The following OTUD7A variants were observed in gnomAD, a reference collection of about 807,000 sequenced individuals.
The protein encoded by OTUD7A is OTU domain-containing protein 7A.
A neutral mutation model predicts 65.7 loss-of-function variants in OTUD7A; 12 were observed. That is an observed-to-expected ratio of 0.18 (90% CI 0.12 to 0.30). The LOEUF is 0.30. OTUD7A is among the 10% of genes least tolerant of loss of function. The pLI is 1.00. For missense variants in OTUD7A, 1,148 were observed against 1,304.8 expected (o/e 0.88, Z 1.85); for synonymous variants, 641 against 586.3 (o/e 1.09, Z -1.35).
At chr15:31,667,491 A>G (rs1892352548) in intron 1 of OTUD7A, among the ~76,000 whole-genome samples, 1 of 151,594 alleles carries the variant, frequency 6.6e-6, no homozygotes, top group African/African-American at 2.4e-5. Context: ...GCCTTTTTCC[A>G]CCCCTTTACT....
At chr15:31,533,054 G>GA (rs200050149) in intron 5 of OTUD7A, among the ~76,000 whole-genome samples, 3 of 144,790 alleles carry the variant, frequency 2.1e-5, no homozygotes, top group South Asian at 2.2e-4. Flanking sequence ...ACCCTAAACA[G>GA]AAAAAAAACC....
intron 1 of OTUD7A, among the ~76,000 whole-genome samples, chr15:31,840,891 T>A (rs747652842): frequency 1.3e-5 from 2 of 152,198 alleles, no homozygotes; most frequent in Non-Finnish European, 2.9e-5. Flanking sequence ...TACAATCTAC[T>A]ATGTGCCATG....
chr15:31,779,520 T>C (rs1312697871), intron 1 of OTUD7A, among the ~76,000 whole-genome samples: 6 of 152,214 alleles, frequency 3.9e-5, no homozygotes, highest in Non-Finnish European at 5.9e-5. Flanking sequence ...CAATGCACCA[T>C]TCCTGTGTAC....
rs548993867 is a variant in OTUD7A at position 31,818,179 on chromosome 15, A to T, written c.-100+52328T>A. Among the ~76,000 whole-genome samples the T allele has an allele frequency of 6.6e-5, 10 of 152,318 alleles. No individual in the cohort carries two copies. In the South Asian group the frequency reaches 2.1e-3, roughly 32 times the overall value. ...CGGACTCCCAAACTGTGAGAAATAC[A>T]TTTCTATTATTTATAATTACCCAGT... On this transcript the variant is annotated intron_variant, in intron 1 of 12. Transcript: ENST00000307050.
chr15:31,609,266 G>A (rs913548815), intron 3 of OTUD7A, among the ~76,000 whole-genome samples: 1 of 152,242 alleles, frequency 6.6e-6, no homozygotes, highest in African/African-American at 2.4e-5. Context: ...AGCCTCCACA[G>A]GATGGGGAGG....
chr15:31,689,816 G>C (rs1892922117), intron 1 of OTUD7A, among the ~76,000 whole-genome samples: 1 of 152,170 alleles, frequency 6.6e-6, no homozygotes, highest in Non-Finnish European at 1.5e-5. Flanking sequence ...TGCCAGGGGA[G>C]GGGACTGTGC....
At chr15:31,802,159 A>T (rs985514424) in intron 1 of OTUD7A, among the ~76,000 whole-genome samples, 3 of 145,790 alleles carry the variant, frequency 2.1e-5, no homozygotes, top group African/African-American at 7.6e-5. Flanking sequence ...ATATATGTAA[A>T]GGGGAGTTTA....
intron 1 of OTUD7A, among the ~76,000 whole-genome samples, chr15:31,714,964 C>T (rs1189665726): frequency 7.3e-5 from 11 of 151,504 alleles, no homozygotes; most frequent in African/African-American, 9.7e-5. Context: ...GGTGAAACCC[C>T]GTCTCTACTA....
chr15:31,683,151 G>A lies in OTUD7A; in HGVS notation c.-99-26074C>T, dbSNP rs576015347. The stretch of plus-strand genomic sequence containing the variant: ...GGCTTTCTTATCGGCCCATATTAGT[G>A]GACTACTTACACATGTCAGCGACTG... On this transcript the variant is annotated intron_variant, in intron 1 of 12. Transcript: ENST00000307050. Among the ~76,000 whole-genome samples the A allele has an allele frequency of 3.2e-3, 492 of 152,098 alleles. 6 individuals carry two copies. Among genetic ancestry groups the A allele is most frequent in the Non-Finnish European group, 2.4e-3 (160 of 68,006 alleles).
At chr15:31,566,305 T>C (rs1888872992) in intron 4 of OTUD7A, among the ~76,000 whole-genome samples, 1 of 152,018 alleles carries the variant, frequency 6.6e-6, no homozygotes, top group South Asian at 2.1e-4. Context: ...AAACATTGTG[T>C]ATGGGAAAAT....
At chr15:31,533,205 A>G (rs1341211982) in intron 5 of OTUD7A, among the ~76,000 whole-genome samples, 1 of 151,708 alleles carries the variant, frequency 6.6e-6, no homozygotes, top group Non-Finnish European at 1.5e-5. Context: ...CTCATTGGCT[A>G]CCGTGTAGGC....
At chr15:31,604,706 A>G (rs978656684) in intron 3 of OTUD7A, among the ~76,000 whole-genome samples, 2 of 152,250 alleles carry the variant, frequency 1.3e-5, no homozygotes, top group African/African-American at 4.8e-5. Context: ...TAACTGGCTC[A>G]TGCATGTGGC....
At chr15:31,591,055 G>A (rs937511290) in intron 3 of OTUD7A, among the ~76,000 whole-genome samples, 1 of 152,144 alleles carries the variant, frequency 6.6e-6, no homozygotes, top group Non-Finnish European at 1.5e-5. Flanking sequence ...GAGCCAGGGG[G>A]TCTGCACAAG....
chr15:31,488,809 C>G (rs2041276528), intron 10 of OTUD7A, among the ~76,000 whole-genome samples: 1 of 152,242 alleles, frequency 6.6e-6, no homozygotes, highest in African/African-American at 2.4e-5. Context: ...TAATTCCCCT[C>G]TCCACCCCCG....
intron 3 of OTUD7A, among the ~76,000 whole-genome samples, chr15:31,639,565 T>G (rs548405972): frequency 6.6e-6 from 1 of 150,756 alleles, no homozygotes; most frequent in Non-Finnish European, 1.5e-5. Flanking sequence ...ACTAGGTACA[T>G]GTCTAATTTT....
chr15:31,846,596 C>T (rs529110205), intron 1 of OTUD7A, among the ~76,000 whole-genome samples: 5 of 152,244 alleles, frequency 3.3e-5, no homozygotes, highest in African/African-American at 9.6e-5. Flanking sequence ...GGAGCACCTC[C>T]GCAGCAAAGC....
At chr15:31,722,838 A>G (rs369291345) in intron 1 of OTUD7A, among the ~76,000 whole-genome samples, 19 of 152,372 alleles carry the variant, frequency 1.2e-4, no homozygotes, top group African/African-American at 3.4e-4. Context: ...AGCAATACAC[A>G]CAGAGGCCAT....
intron 3 of OTUD7A, among the ~76,000 whole-genome samples, chr15:31,610,617 A>ATATATATATATATATTTTTTTTTTTTTT: frequency 3.3e-5 from 1 of 30,562 alleles, no homozygotes; most frequent in Non-Finnish European, 4.9e-5. Flanking sequence ...ATATATATAT[A>ATATATATATATATATTTTTTTTTTTTTT]TTTTTTTTTT....
chr15:31,645,734 T>C (rs1378624145), intron 3 of OTUD7A, among the ~76,000 whole-genome samples: 1 of 152,236 alleles, frequency 6.6e-6, no homozygotes, highest in Non-Finnish European at 1.5e-5. Flanking sequence ...TTATCACTGT[T>C]TGACAGATCT....
Sources: allele counts gnomAD v4.1 joint callset (sites outside exome capture counted in the v4.1 genomes callset), GRCh38; gene constraint gnomAD v4.1.1; transcripts MANE v1.5; gene names NCBI Gene and HGNC (gene_info 2026-07-23, HGNC 2026-07-21).